The following CLEC1B variants were observed in gnomAD, a reference collection of about 807,000 sequenced individuals.
CLEC1B encodes the protein C-type lectin domain family 1 member B.
In CLEC1B, 26 loss-of-function variants were observed where a neutral mutation model predicts 26.7. The ratio of observed to expected loss-of-function variants is 0.97; its 90% CI spans 0.71 to 1.35. The LOEUF is 1.35. Among genes scored for constraint, CLEC1B ranks in the 40% most tolerant of loss-of-function variants. The pLI, the probability that CLEC1B is intolerant of heterozygous loss-of-function variation, is 0.00. For missense variants in CLEC1B, 293 were observed against 282.6 expected (o/e 1.04, Z -0.26); for synonymous variants, 112 against 96.0 (o/e 1.17, Z -0.97).
intron 3 of CLEC1B, 77 bp downstream of exon 3, chr12:9,997,083 T>C (rs1261020680): frequency 1.9e-6 from 3 of 1,609,012 alleles, no homozygotes; most frequent in Non-Finnish European, 2.5e-6. Flanking sequence ...TCTGCAGATC[T>C]CAAACTCCCT....
chr12:9,996,772 A>G (rs769238483), intron 4 of CLEC1B, 74 bp downstream of exon 4: 32 of 1,513,422 alleles, frequency 2.1e-5, no homozygotes, highest in Non-Finnish European at 2.9e-5. Flanking sequence ...TGTAAAAAAC[A>G]AAAAAAGGTC....
At chr12:10,000,717 C>T (rs955343204), upstream of CLEC1B, among the ~76,000 whole-genome samples, 6 of 152,152 alleles carry the variant, frequency 3.9e-5, no homozygotes, top group South Asian at 2.1e-4. Flanking sequence ...AGGGATTCTT[C>T]GCTCTCCCAT....
At chr12:9,994,953 G>T in intron 5 of CLEC1B, 187 bp downstream of exon 5, 1 of 1,452,288 alleles carries the variant, frequency 6.9e-7, no homozygotes, top group Non-Finnish European at 9.2e-7. Context: ...CTTAGATAAA[G>T]AGCAAAGTAA....
chr12:9,996,992 T>C lies in CLEC1B; in HGVS notation c.292A>G (p.Lys98Glu), dbSNP rs762646083. 1 of 1,614,008 alleles carries C rather than the reference T, an allele frequency of 6.2e-7. No individual in the cohort carries two copies. The highest frequency in any genetic ancestry group is 8.5e-7 in the Non-Finnish European group (1 of 1,179,938). ...SELKGTFKGH[K>E]CSPCDTNWRY... ...CAGTTTGTGTCACAGGGGCTGCATT[T>C]ATGACCTTCTGGAGAAACCAAGCAC... The change falls in exon 4 of 6, where the codon AAA becomes GAA. Residue 98 changes from lysine (K) to glutamate (E), a missense_variant. By Grantham distance (56) the Lys-to-Glu change is moderately conservative. Transcript: ENST00000298527.
upstream of CLEC1B, among the ~76,000 whole-genome samples, chr12:10,001,407 T>C (rs1591855433): frequency 6.6e-6 from 1 of 152,242 alleles, no homozygotes; most frequent in Non-Finnish European, 1.5e-5. Context: ...TTCATTCCTC[T>C]TTCTCATTGT....
Position 9,999,050 on chromosome 12 carries a change from T to C in CLEC1B, c.51A>G (p.Pro17=). 1 of 1,602,548 alleles carries C rather than the reference T, an allele frequency of 6.2e-7. No homozygotes were observed. The highest frequency in any genetic ancestry group is 8.5e-7 in the Non-Finnish European group (1 of 1,171,020). Residue 17 remains proline, a synonymous_variant, in exon 1 of 6, where the codon CCA becomes CCG. Transcript: ENST00000298527. ...YITLNIKTRK[P]ALISVGSASS... is the part of the protein sequence containing the mutation. ...GAGCATTCTTACCGGAGATGAGAGC[T>C]GGTTTCCGAGTTTTAATATTTAAGG...
upstream of CLEC1B, among the ~76,000 whole-genome samples, chr12:9,999,532 T>C (rs564108052): frequency 3.1e-3 from 471 of 152,342 alleles, 2 homozygotes; most frequent in African/African-American, 0.011. Context: ...CCAGCAGATA[T>C]ATAGTTTATC....
intron 4 of CLEC1B, among the ~76,000 whole-genome samples, chr12:9,995,882 C>T (rs1444587268): frequency 2.6e-5 from 4 of 152,156 alleles, no homozygotes; most frequent in East Asian, 1.9e-4. Context: ...ATACTCTTGT[C>T]GAGGTTAAGC....
At chr12:10,000,458 T>G (rs112933488), upstream of CLEC1B, among the ~76,000 whole-genome samples, 5,827 of 152,236 alleles carry the variant, frequency 0.038, 354 homozygotes, top group African/African-American at 0.13. Flanking sequence ...AAAGCCAAAC[T>G]TAGTATGATT....
upstream of CLEC1B, chr12:9,999,326 T>C: frequency 2.6e-6 from 1 of 387,418 alleles, no homozygotes; most frequent in African/African-American, 2.1e-5. Flanking sequence ...ACAAAAATAA[T>C]AATAACTTGT....
chr12:9,995,705 G>T (rs1187321773), intron 4 of CLEC1B: 10 of 219,922 alleles, frequency 4.5e-5, no homozygotes, highest in Non-Finnish European at 5.5e-5. Flanking sequence ...TTAACTTGTT[G>T]TAGTTAATTG....
At chr12:9,997,887 A>G (rs576045307) in intron 2 of CLEC1B, among the ~76,000 whole-genome samples, 16 of 152,180 alleles carry the variant, frequency 1.1e-4, no homozygotes, top group Non-Finnish European at 5.9e-5. Flanking sequence ...TTTTAGGTAG[A>G]GAGAATAGAA....
intron 4 of CLEC1B, among the ~76,000 whole-genome samples, chr12:9,996,466 C>T (rs1865050316): frequency 6.6e-6 from 1 of 152,092 alleles, no homozygotes; most frequent in African/African-American, 2.4e-5. Flanking sequence ...GAAAGAAAAG[C>T]TAATTTATGT....
Position 9,993,140 on chromosome 12 carries a change from G to A in CLEC1B, c.*3C>T. 1 of 1,607,718 alleles carries A rather than the reference G, an allele frequency of 6.2e-7. No individual in the cohort carries two copies. The highest frequency in any genetic ancestry group is 2.2e-5 in the East Asian group (1 of 44,748). On this transcript the variant is annotated 3_prime_UTR_variant, in exon 6 of 6. Coordinates refer to ENST00000298527, the MANE Select transcript of CLEC1B (RefSeq NM_016509.4). Reference sequence around the variant, plus strand: ...TCTGTGTTATCCTGTCCACCTCTTTGCATTAAGGTAGTTGGTCCACCTTGG... The same window carrying A: ...TCTGTGTTATCCTGTCCACCTCTTTACATTAAGGTAGTTGGTCCACCTTGG...
intron 5 of CLEC1B, among the ~76,000 whole-genome samples, chr12:9,993,973 T>A (rs1208508878): frequency 6.6e-6 from 1 of 152,084 alleles, no homozygotes; most frequent in Non-Finnish European, 1.5e-5. Flanking sequence ...GAACTTTCAT[T>A]TAAGTGGGGC....
rs1409382684 is a variant in CLEC1B at position 9,995,398 on chromosome 12, C to A, written c.439-152G>T. The A allele has an allele frequency of 7.0e-6, 5 of 718,658 alleles. No homozygotes were observed. The African/African-American group carries it at 8.7e-5, about 13-fold the overall frequency. The allele number at this position is 718,658 out of a possible 1,614,324, so 44.5% of individuals were successfully genotyped here. ...ATTACATTTGATGTTTGAAATTGTACCAATTTGACTTGTCTGAGAACTTAA... is the reference window on the plus strand; with the variant it reads ...ATTACATTTGATGTTTGAAATTGTAACAATTTGACTTGTCTGAGAACTTAA... On this transcript the variant is annotated intron_variant, in intron 4 of 5. Transcript: ENST00000298527.
At chr12:9,996,190 G>T (rs759994340) in intron 4 of CLEC1B, among the ~76,000 whole-genome samples, 1 of 151,898 alleles carries the variant, frequency 6.6e-6, no homozygotes, top group Non-Finnish European at 1.5e-5. Context: ...TTGAGCCACC[G>T]GGAACCTTTC....
At position 9,996,943 on chromosome 12, in the gene CLEC1B, T is replaced by A. The variant is rs545436774; in HGVS notation, c.341A>T (p.Tyr114Phe). 27 of 1,614,102 alleles carry A rather than the reference T, an allele frequency of 1.7e-5. No individual in the cohort carries two copies. The African/African-American group carries it at 1.7e-4, about 10-fold the overall frequency. Residue 114 changes from tyrosine (Y) to phenylalanine (F), a missense_variant, in exon 4 of 6, where the codon TAT (tyrosine) becomes TTT (phenylalanine). Transcript: ENST00000298527. ...TGTTAAGTTGTGCCTGAAGAACCCA[T>A]AGCAGCTATCTCCATAATATCTCCA... The part of the protein sequence containing the change: ...TNWRYYGDSC[Y>F]GFFRHNLTWE...
intron 2 of CLEC1B, among the ~76,000 whole-genome samples, 190 bp from the exon 3 acceptor site, chr12:9,997,469 C>T (rs1865082084): frequency 6.6e-6 from 1 of 151,950 alleles, no homozygotes; most frequent in African/African-American, 2.4e-5. Flanking sequence ...ACAGAACTGA[C>T]GCCTGAGGGT....
Sources: allele counts gnomAD v4.1 joint callset (sites outside exome capture counted in the v4.1 genomes callset), GRCh38; gene constraint gnomAD v4.1.1; transcripts MANE v1.5; gene names NCBI Gene and HGNC (gene_info 2026-07-23, HGNC 2026-07-21).